PIBF1: variants seen among roughly 807,000 people sequenced by gnomAD.
PIBF1 encodes progesterone-induced-blocking factor 1.
Under a neutral mutation model 112.5 loss-of-function variants are expected in PIBF1, and 90 were observed. The observed-to-expected ratio is 0.80, with a 90% confidence interval of 0.67 to 0.95. The LOEUF (loss-of-function observed/expected upper bound fraction) is 0.95, where lower values mean the gene tolerates loss of function less well. Among genes scored for constraint, PIBF1 ranks in the 40% least tolerant of loss-of-function variants. The pLI, the probability that PIBF1 is intolerant of heterozygous loss-of-function variation, is 0.00. For missense variants in PIBF1, 915 were observed against 852.3 expected (o/e 1.07, Z -0.92); for synonymous variants, 301 against 288.6 (o/e 1.04, Z -0.44).
At chr13:72,953,254 C>T (rs2042350928) in intron 14 of PIBF1, among the ~76,000 whole-genome samples, 1 of 152,200 alleles carries the variant, frequency 6.6e-6, no homozygotes, top group Non-Finnish European at 1.5e-5. Flanking sequence ...ATGAGCCCAG[C>T]ACTGCACCTG....
chr13:72,880,821 G>A (rs1026033991), intron 10 of PIBF1, among the ~76,000 whole-genome samples: 6 of 152,184 alleles, frequency 3.9e-5, no homozygotes, highest in African/African-American at 1.4e-4. Context: ...TAGGTTCAGG[G>A]GATATATGTG....
At chr13:72,964,297 A>G (rs920044973) in intron 14 of PIBF1, among the ~76,000 whole-genome samples, 1 of 152,338 alleles carries the variant, frequency 6.6e-6, no homozygotes, top group East Asian at 1.9e-4. Flanking sequence ...TCACAGAGAC[A>G]GAAAGTAAGA....
intron 2 of PIBF1, among the ~76,000 whole-genome samples, chr13:72,789,514 T>C (rs905322105): frequency 1.3e-5 from 2 of 151,616 alleles, no homozygotes; most frequent in Non-Finnish European, 2.9e-5. Context: ...CCCCAAACTC[T>C]TTTTATTTAT....
chr13:72,795,444 G>C lies in PIBF1; in HGVS notation c.439G>C (p.Glu147Gln). 6.2e-7 allele frequency: 1 copy of C among 1,609,426 alleles called. No individual in the cohort carries two copies. Among genetic ancestry groups the C allele is most frequent in the Non-Finnish European group, 8.5e-7 (1 of 1,177,570 alleles). ...AGAAGAGACAAATCTTCAGCTAAGA[G>C]AAAAAGCTGGAGATGTTCGTCGAAA... ...QLEETNLQLR[E>Q]KAGDVRRNLR... Residue 147 changes from glutamate (E) to glutamine (Q), a missense_variant, in exon 4 of 18, where the codon GAA (glutamate) becomes CAA (glutamine). By Grantham distance (29) the Glu-to-Gln change is conservative. Coordinates refer to ENST00000326291, the MANE Select transcript of PIBF1 (RefSeq NM_006346.4).
chr13:72,797,642 G>T (rs1216261900), intron 4 of PIBF1, among the ~76,000 whole-genome samples: 1 of 152,164 alleles, frequency 6.6e-6, no homozygotes, highest in African/African-American at 2.4e-5. Flanking sequence ...GGAGTGAGCA[G>T]TAGTAGATGA....
chr13:72,969,632 A>C (rs1025648438), intron 15 of PIBF1: 4 of 152,214 alleles, frequency 2.6e-5, no homozygotes, highest in Non-Finnish European at 5.9e-5. Flanking sequence ...ATATGGTAGG[A>C]TAGATCACAG....
At position 73,002,983 on chromosome 13, in the gene PIBF1, C is replaced by CAAAAAAAA. The variant is rs1161228077; in HGVS notation, c.2223+4005_2223+4012dup. Reference sequence around the variant, plus strand: ...GGACGACACAGCAAGACTCTGGTCTCAAAAAAAAAAAAAAAAAAAAAAAAG... The same window carrying CAAAAAAAA: ...GGACGACACAGCAAGACTCTGGTCTCAAAAAAAAAAAAAAAAAAAAAAAAAAAAAAAAG... On this transcript the variant is annotated intron_variant, in intron 17 of 17. Coordinates refer to ENST00000326291, the MANE Select transcript of PIBF1 (RefSeq NM_006346.4). Among the ~76,000 whole-genome samples the CAAAAAAAA allele has an allele frequency of 5.0e-4, 29 of 57,510 alleles. 4 individuals are homozygous for CAAAAAAAA. The highest frequency in any genetic ancestry group is 0.029 in the Middle Eastern group (1 of 34). The allele number at this position is 57,510 out of a possible 152,430, so 37.7% of individuals were successfully genotyped here. A position where few individuals can be genotyped will look rare whatever the true frequency, so the allele number is the denominator to read the frequency against.
chr13:72,795,467 A>T lies in PIBF1; in HGVS notation c.462A>T (p.Arg154=), dbSNP rs773265625. 6.2e-7 allele frequency: 1 copy of T among 1,611,328 alleles called. No homozygotes were observed. The highest frequency in any genetic ancestry group is 2.2e-5 in the East Asian group (1 of 44,794). The stretch of plus-strand genomic sequence containing the variant: ...GAGAAAAAGCTGGAGATGTTCGTCG[A>T]AACCTGCGTGACTTTGAGTTGACAG... ...QLREKAGDVR[R]NLRDFELTEE... is the part of the protein sequence containing the mutation. The change falls in exon 4 of 18, where the codon CGA becomes CGT. Residue 154 remains arginine (R), a synonymous_variant. Transcript: ENST00000326291.
At chr13:72,928,634 T>G (rs970409388) in intron 13 of PIBF1, among the ~76,000 whole-genome samples, 3 of 152,136 alleles carry the variant, frequency 2.0e-5, no homozygotes, top group African/African-American at 7.2e-5. Context: ...GAGACAGGGT[T>G]TCACCATGTT....
In PIBF1 at chr13:72,901,039, A is replaced by T. The variant is rs1045196077; in HGVS notation, c.1488+7090A>T. 9.4e-6 allele frequency: 4 copies of T among 424,338 alleles called. No homozygotes were observed. The Admixed American group carries it at 1.1e-4, about 12-fold the overall frequency. The allele number at this position is 424,338 out of a possible 1,614,324, so 26.3% of individuals were successfully genotyped here. A position where few individuals can be genotyped will look rare whatever the true frequency, so the allele number is the denominator to read the frequency against. On this transcript the variant is annotated intron_variant, in intron 11 of 17. Coordinates refer to ENST00000326291, the MANE Select transcript of PIBF1 (RefSeq NM_006346.4). The stretch of plus-strand genomic sequence containing the variant: ...CTCCGTCTCAAAACAAAAAGCAAAA[A>T]ACAAACAAACAAACAAAAGCTAAAT...
At chr13:72,939,004 T>G (rs2138807085) in intron 14 of PIBF1, among the ~76,000 whole-genome samples, 1 of 152,316 alleles carries the variant, frequency 6.6e-6, no homozygotes, top group African/African-American at 2.4e-5. Context: ...TTGCCCACTT[T>G]TGAATTGGGT....
intron 9 of PIBF1, among the ~76,000 whole-genome samples, chr13:72,837,029 A>G (rs971952853): frequency 2.6e-5 from 4 of 152,008 alleles, no homozygotes; most frequent in African/African-American, 9.7e-5. Flanking sequence ...TAAAATAATT[A>G]TGTCATATTT....
chr13:72,936,560 C>T (rs1436704939), intron 14 of PIBF1, among the ~76,000 whole-genome samples: 3 of 152,096 alleles, frequency 2.0e-5, no homozygotes, highest in Admixed American at 6.5e-5. Context: ...GATATGTTTG[C>T]ATAATTGAAA....
chr13:72,790,554 GATAGATAGATAA>G (rs1045959165), intron 2 of PIBF1, among the ~76,000 whole-genome samples: 3 of 130,816 alleles, frequency 2.3e-5, no homozygotes, highest in Admixed American at 7.6e-5. Flanking sequence ...TAGATAGATA[GATAGATAGATAA>G]ATCAGCATAT....
intron 17 of PIBF1, among the ~76,000 whole-genome samples, chr13:73,013,324 AAAG>A (rs1367846797): frequency 6.7e-6 from 1 of 149,718 alleles, no homozygotes; most frequent in Non-Finnish European, 1.5e-5. Flanking sequence ...AAAAAAAAAA[AAAG>A]AAAATATTAG....
intron 14 of PIBF1, among the ~76,000 whole-genome samples, chr13:72,955,586 A>G (rs567289785): frequency 3.9e-5 from 6 of 152,208 alleles, no homozygotes; most frequent in East Asian, 1.9e-4. Flanking sequence ...GAAAATCACA[A>G]TGCAAATTCT....
rs1288232649 is a variant in PIBF1, at chr13:72,843,263, A to G, written c.1223+7895A>G. ...CACAGCTTAGGTGATGAAAATAAGT[A>G]GAAAGAGAAAATGATGGATGAATTT... On this transcript the variant is annotated intron_variant, in intron 9 of 17. Transcript: ENST00000326291. Among the ~76,000 whole-genome samples the G allele has an allele frequency of 2.0e-5, 3 of 152,366 alleles. No homozygotes were observed. The East Asian group carries it at 5.8e-4, about 29-fold the overall frequency.
rs1413207427 is a variant in PIBF1 at position 72,998,832 on chromosome 13, C to G, written c.2060C>G (p.Ala687Gly). The G allele has an allele frequency of 9.3e-6, 15 of 1,610,598 alleles. No homozygotes were observed. Among genetic ancestry groups the G allele is most frequent in the Middle Eastern group, 1.7e-4 (1 of 6,052 alleles). ...QLLNHREELA[A>G]MKQILVKMHS... ...TTCATATATCAACAGGAATTGGCAG[C>G]AATGAAACAGATTCTCGTTAAGATG... Residue 687 changes from alanine (A) to glycine (G), a missense_variant, in exon 17 of 18, where the codon GCA (alanine) becomes GGA (glycine). Ala to Gly is a moderately conservative substitution (Grantham distance 60). Coordinates refer to ENST00000326291, the MANE Select transcript of PIBF1 (RefSeq NM_006346.4).
At chr13:72,892,704 A>G (rs868684945) in intron 10 of PIBF1, among the ~76,000 whole-genome samples, 11 of 151,418 alleles carry the variant, frequency 7.3e-5, no homozygotes, top group South Asian at 4.2e-4. Flanking sequence ...AAAACAGACT[A>G]TGCTCTCTGC....
Sources: allele counts gnomAD v4.1 joint callset (sites outside exome capture counted in the v4.1 genomes callset), GRCh38; gene constraint gnomAD v4.1.1; transcripts MANE v1.5; gene names NCBI Gene and HGNC (gene_info 2026-07-23, HGNC 2026-07-21).